Variants in INIP observed in about 807,000 individuals in gnomAD.
INIP encodes INTS3 and NABP interacting protein, also known as SOSS complex subunit C.
Under a neutral mutation model 14.0 loss-of-function variants are expected in INIP, and 9 were observed. That is an observed-to-expected ratio of 0.64 (90% CI 0.39 to 1.12). The LOEUF (loss-of-function observed/expected upper bound fraction) is 1.12. INIP is among the 50% of genes most tolerant of loss of function. INIP has a pLI of 0.01. For missense variants in INIP, 78 were observed against 122.7 expected (o/e 0.64, Z 1.72); for synonymous variants, 37 against 41.5 (o/e 0.89, Z 0.41).
chr9:112,716,710 G>A (rs1051898613), intron 1 of INIP, among the ~76,000 whole-genome samples, 169 bp from the exon 2 acceptor site: 1 of 152,088 alleles, frequency 6.6e-6, no homozygotes, highest in Admixed American at 6.6e-5. Context: ...ACTTTGGGAG[G>A]CCGAGGCGGG....
At chr9:112,703,473 C>T (rs1296306861) in intron 2 of INIP, among the ~76,000 whole-genome samples, 1 of 152,150 alleles carries the variant, frequency 6.6e-6, no homozygotes, top group Non-Finnish European at 1.5e-5. Flanking sequence ...AATACCAGCA[C>T]TTTCGGAGGC....
At chr9:112,695,245 C>T (rs1388825519) in intron 2 of INIP, among the ~76,000 whole-genome samples, 1 of 54,644 alleles carries the variant, frequency 1.8e-5, no homozygotes, top group Non-Finnish European at 3.8e-5. Context: ...GACTGGAAAA[C>T]AGAACTACAG....
chr9:112,712,236 A>C (rs924389142), intron 2 of INIP, among the ~76,000 whole-genome samples: 1 of 152,238 alleles, frequency 6.6e-6, no homozygotes, highest in Admixed American at 6.5e-5. Flanking sequence ...ACACATATCC[A>C]GGGGAGATCC....
In INIP at chr9:112,706,290, T is replaced by C. The variant is rs141765928; in HGVS notation, c.25+10171A>G. ...AATACAACCACAATGGAGAACAGTT[T>C]GGAGGTTCCTCAAAAAACTAAAAAT... On this transcript the variant is annotated intron_variant, in intron 2 of 4. Transcript: ENST00000374242. 5.7e-3 allele frequency among the ~76,000 whole-genome samples: 868 copies of C among 152,336 alleles called. 8 individuals are homozygous for C. Among genetic ancestry groups the C allele is most frequent in the African/African-American group, 0.017 (712 of 41,576 alleles).
intron 2 of INIP, among the ~76,000 whole-genome samples, chr9:112,695,823 AAGAAGAAGG>A (rs1482759447): frequency 2.1e-4 from 29 of 136,484 alleles, no homozygotes; most frequent in African/African-American, 6.1e-4. Context: ...GAAGAAGGAG[AAGAAGAAGG>A]AGAAGAAGGA....
At chr9:112,706,440 G>C (rs776863313) in intron 2 of INIP, among the ~76,000 whole-genome samples, 29 of 151,796 alleles carry the variant, frequency 1.9e-4, no homozygotes, top group Middle Eastern at 6.8e-3. Flanking sequence ...TTTGTGTAGA[G>C]ACAGGGCCTC....
intron 3 of INIP, among the ~76,000 whole-genome samples, chr9:112,692,338 T>C (rs2995805): frequency 0.12 from 18,137 of 152,156 alleles, 1,197 homozygotes; most frequent in African/African-American, 0.16. Flanking sequence ...CCAGGCTGGA[T>C]TGCAGTGGTG....
intron 2 of INIP, among the ~76,000 whole-genome samples, chr9:112,716,183 C>T (rs1244078548): frequency 6.6e-6 from 1 of 152,128 alleles, no homozygotes; most frequent in African/African-American, 2.4e-5. Flanking sequence ...AGAAATTCTC[C>T]TGCCTCAGCC....
Position 112,712,375 on chromosome 9 carries a change from AC to A in INIP, c.25+4085del, listed in dbSNP as rs200630738. ...CAAGCTGTCTGCTAGAACAAAAATC[AC>A]AATTTCAGAAGAATATAACAGAATC... On this transcript the variant is annotated intron_variant, in intron 2 of 4. Transcript: ENST00000374242. 2.5e-3 allele frequency among the ~76,000 whole-genome samples: 376 copies of A among 152,140 alleles called. 6 individuals carry two copies. Among genetic ancestry groups the A allele is most frequent in the African/African-American group, 8.7e-3 (362 of 41,422 alleles).
chr9:112,714,385 G>A (rs1838741684), intron 2 of INIP, among the ~76,000 whole-genome samples: 1 of 151,978 alleles, frequency 6.6e-6, no homozygotes. Context: ...CCTTCAAGTA[G>A]TTAAGTGGTT....
intron 2 of INIP, among the ~76,000 whole-genome samples, chr9:112,715,133 T>C (rs796210503): frequency 1.7e-3 from 230 of 133,506 alleles, no homozygotes; most frequent in Non-Finnish European, 2.6e-3. Context: ...CATACATACA[T>C]ACACACACAC....
chr9:112,709,534 T>C (rs1838585564), intron 2 of INIP, among the ~76,000 whole-genome samples: 1 of 152,088 alleles, frequency 6.6e-6, no homozygotes, highest in Non-Finnish European at 1.5e-5. Context: ...TTACAGGAAA[T>C]ACAGAAAAAT....
At chr9:112,694,099 C>G (rs1370026388) in intron 3 of INIP, 32 bp downstream of exon 3, 1 of 1,388,568 alleles carries the variant, frequency 7.2e-7, no homozygotes, top group East Asian at 2.3e-5. Flanking sequence ...CAAAACAAAA[C>G]AAACAAAAAA....
chr9:112,693,241 G>A (rs372996212), intron 3 of INIP, among the ~76,000 whole-genome samples: 11 of 152,132 alleles, frequency 7.2e-5, no homozygotes, highest in African/African-American at 2.6e-4. Flanking sequence ...AGTTAATAGG[G>A]TTGCTTAAAA....
At chr9:112,714,110 A>G (rs924292266) in intron 2 of INIP, among the ~76,000 whole-genome samples, 1 of 152,232 alleles carries the variant, frequency 6.6e-6, no homozygotes, top group Non-Finnish European at 1.5e-5. Flanking sequence ...AAAATGTGAT[A>G]AAGTCATACC....
intron 2 of INIP, among the ~76,000 whole-genome samples, chr9:112,702,104 C>A (rs987775790): frequency 2.0e-5 from 3 of 151,930 alleles, no homozygotes; most frequent in African/African-American, 7.3e-5. Flanking sequence ...ACACATAATT[C>A]TTGAAAAGCA....
intron 2 of INIP, among the ~76,000 whole-genome samples, chr9:112,714,433 G>C (rs1439914538): frequency 6.6e-6 from 1 of 152,192 alleles, no homozygotes; most frequent in East Asian, 1.9e-4. Context: ...TTTATAGAGA[G>C]TAAATTTTAC....
At chr9:112,693,178 G>A (rs1837954739) in intron 3 of INIP, among the ~76,000 whole-genome samples, 1 of 152,112 alleles carries the variant, frequency 6.6e-6, no homozygotes, top group Admixed American at 6.6e-5. Flanking sequence ...CCTAAAATAT[G>A]CTTCTTTGAT....
chr9:112,712,591 A>C (rs923950421), intron 2 of INIP, among the ~76,000 whole-genome samples: 1 of 152,234 alleles, frequency 6.6e-6, no homozygotes, highest in African/African-American at 2.4e-5. Flanking sequence ...AGGGAAAAAG[A>C]CATAATAAAT....
Sources: allele counts gnomAD v4.1 joint callset (sites outside exome capture counted in the v4.1 genomes callset), GRCh38; gene constraint gnomAD v4.1.1; transcripts MANE v1.5; gene names NCBI Gene and HGNC (gene_info 2026-07-23, HGNC 2026-07-21).